Variants in CENPP observed in about 807,000 individuals in gnomAD.
CENPP encodes the protein centromere protein P.
CENPP carries 24 observed loss-of-function variants against 35.6 expected under a neutral mutation model. The ratio of observed to expected loss-of-function variants is 0.67; its 90% confidence interval spans 0.49 to 0.95. CENPP has a LOEUF of 0.95. Ranked by LOEUF, CENPP falls within the 40% of genes least tolerant of loss-of-function variation. The pLI is 0.00. For missense variants in CENPP, 332 were observed against 345.3 expected (o/e 0.96, Z 0.31); for synonymous variants, 120 against 125.5 (o/e 0.96, Z 0.29).
intron 5 of CENPP, chr9:92,522,539 C>A (rs1360945138): frequency 1.3e-6 from 2 of 1,531,308 alleles, no homozygotes; most frequent in Non-Finnish European, 1.8e-6. Flanking sequence ...TCACCCTCCT[C>A]CCTCTTTCTG....
intron 5 of CENPP, among the ~76,000 whole-genome samples, chr9:92,442,179 C>G (rs1277995156): frequency 6.6e-6 from 1 of 151,990 alleles, no homozygotes; most frequent in Non-Finnish European, 1.5e-5. Flanking sequence ...GGGCAAATCT[C>G]CTGAGGTCAG....
At chr9:92,369,210 G>A (rs566672910) in intron 4 of CENPP, among the ~76,000 whole-genome samples, 1 of 152,318 alleles carries the variant, frequency 6.6e-6, no homozygotes, top group African/African-American at 2.4e-5. Flanking sequence ...GAGCACTGGG[G>A]TCAGTCAAGA....
intron 5 of CENPP, among the ~76,000 whole-genome samples, chr9:92,400,037 T>A (rs1843044893): frequency 6.6e-6 from 1 of 152,242 alleles, no homozygotes; most frequent in Admixed American, 6.5e-5. Context: ...TATAAAAAAA[T>A]TTATTGGTAA....
At chr9:92,443,928 G>C (rs147311245) in intron 5 of CENPP, among the ~76,000 whole-genome samples, 118 of 152,264 alleles carry the variant, frequency 7.7e-4, no homozygotes, top group African/African-American at 2.7e-3. Context: ...CTCCCAAAGT[G>C]CTGGGCTTAC....
chr9:92,439,335 A>C (rs533386937), intron 5 of CENPP, among the ~76,000 whole-genome samples: 1 of 152,100 alleles, frequency 6.6e-6, no homozygotes, highest in Non-Finnish European at 1.5e-5. Context: ...AATTTTTTTC[A>C]GTAAATTTAA....
intron 5 of CENPP, among the ~76,000 whole-genome samples, chr9:92,514,339 A>G (rs1847549601): frequency 6.6e-6 from 1 of 151,212 alleles, no homozygotes; most frequent in Admixed American, 6.6e-5. Context: ...CAGTGGCTCA[A>G]TCTCAGCTCA....
At chr9:92,333,700 A>T (rs1300272246) in intron 2 of CENPP, among the ~76,000 whole-genome samples, 1 of 151,906 alleles carries the variant, frequency 6.6e-6, no homozygotes, top group East Asian at 1.9e-4. Flanking sequence ...CTTGTTTTTT[A>T]TTTTTTTGTT....
chr9:92,459,418 A>C (rs1205659990), intron 5 of CENPP, among the ~76,000 whole-genome samples: 4 of 152,252 alleles, frequency 2.6e-5, no homozygotes, highest in Non-Finnish European at 5.9e-5. Context: ...AAACCAAAAG[A>C]TGGAAATGGA....
intron 4 of CENPP, among the ~76,000 whole-genome samples, chr9:92,357,653 C>G (rs1465772171): frequency 6.6e-6 from 1 of 151,910 alleles, no homozygotes; most frequent in African/African-American, 2.4e-5. Flanking sequence ...CGCCACCACT[C>G]CTGGCTCATT....
At chr9:92,559,786 C>T (rs1277057840) in intron 5 of CENPP, among the ~76,000 whole-genome samples, 1 of 152,128 alleles carries the variant, frequency 6.6e-6, no homozygotes, top group African/African-American at 2.4e-5. Flanking sequence ...CAGGCATGAG[C>T]CACCATGCCT....
intron 5 of CENPP, chr9:92,466,523 A>G (rs2131060837): frequency 1.2e-6 from 2 of 1,614,108 alleles, no homozygotes; most frequent in South Asian, 1.1e-5. Flanking sequence ...GTGGTTAGAA[A>G]GGCTTTTGGG....
intron 5 of CENPP, among the ~76,000 whole-genome samples, chr9:92,532,112 C>A (rs969123209): frequency 6.9e-6 from 1 of 145,792 alleles, no homozygotes; most frequent in African/African-American, 2.6e-5. Context: ...CCACCTGACT[C>A]AACCTTTCGA....
At chr9:92,390,212 T>G (rs1842615541) in intron 5 of CENPP, among the ~76,000 whole-genome samples, 1 of 152,236 alleles carries the variant, frequency 6.6e-6, no homozygotes, top group South Asian at 2.1e-4. Flanking sequence ...TTTTGTGGAA[T>G]GATCACTGAA....
intron 5 of CENPP, among the ~76,000 whole-genome samples, chr9:92,410,967 T>C (rs1184831408): frequency 6.6e-6 from 1 of 152,138 alleles, no homozygotes; most frequent in African/African-American, 2.4e-5. Context: ...ATAGCTCTTA[T>C]ATCAGATTCC....
At chr9:92,574,791 A>C (rs1240065479) in intron 5 of CENPP, among the ~76,000 whole-genome samples, 1 of 152,242 alleles carries the variant, frequency 6.6e-6, no homozygotes, top group East Asian at 1.9e-4. Flanking sequence ...ACAAAGCTGG[A>C]GGACTCATTT....
Position 92,615,754 on chromosome 9 carries a change from A to T in CENPP, c.*2605A>T. The T allele has an allele frequency of 8.2e-7, 1 of 1,213,478 alleles. No individual in the cohort carries two copies. The highest frequency in any genetic ancestry group is 1.2e-6 in the Non-Finnish European group (1 of 833,756). The allele number at this position is 1,213,478 out of a possible 1,614,324, so 75.2% of individuals were successfully genotyped here. ...GCAAAAACATTCACAACCAAAGGTC[A>T]CCCAACACAACAGAAAATATCTCTA... On this transcript the variant is annotated 3_prime_UTR_variant, in exon 8 of 8. Transcript: ENST00000375587.
chr9:92,412,111 G>C (rs577635469), intron 5 of CENPP, among the ~76,000 whole-genome samples: 1 of 150,994 alleles, frequency 6.6e-6, no homozygotes, highest in Non-Finnish European at 1.5e-5. Flanking sequence ...TTTTAGAGAC[G>C]GGGTCTCACT....
At position 92,613,597 on chromosome 9, in the gene CENPP, A is replaced by G. The variant is rs1588322599; in HGVS notation, c.*448A>G. 1 of 165,578 alleles carries G rather than the reference A, an allele frequency of 6.0e-6. No homozygotes were observed. The allele number at this position is 165,578 out of a possible 1,614,324, so 10.3% of individuals were successfully genotyped here. On this transcript the variant is annotated 3_prime_UTR_variant, in exon 8 of 8. Coordinates refer to ENST00000375587, the MANE Select transcript of CENPP (RefSeq NM_001012267.3). ...ATCTTTAAACTGTCCTTAGTAGCCC[A>G]GGGGAGCCACACCCTCACTCCCTGC...
At chr9:92,380,051 G>A (rs1564286659) in intron 5 of CENPP, among the ~76,000 whole-genome samples, 192 bp downstream of exon 5, 2 of 152,342 alleles carry the variant, frequency 1.3e-5, no homozygotes, top group South Asian at 4.1e-4. Context: ...AACAATTTAT[G>A]TTGTGGAATG....
Sources: allele counts gnomAD v4.1 joint callset (sites outside exome capture counted in the v4.1 genomes callset), GRCh38; gene constraint gnomAD v4.1.1; transcripts MANE v1.5; gene names NCBI Gene and HGNC (gene_info 2026-07-23, HGNC 2026-07-21).